Variants in MYPOP observed in about 807,000 individuals in gnomAD.
The protein encoded by MYPOP is Myb related transcription factor, partner of profilin.
A neutral mutation model predicts 25.7 loss-of-function variants in MYPOP; 21 were observed. The observed-to-expected ratio is 0.82, with a 90% CI of 0.58 to 1.18. The LOEUF (loss-of-function observed/expected upper bound fraction) is 1.18. MYPOP is among the 50% of genes most tolerant of loss of function. The pLI, the probability that MYPOP is intolerant of heterozygous loss-of-function variation, is 0.00. For missense variants in MYPOP, 566 were observed against 588.3 expected (o/e 0.96, Z 0.39); for synonymous variants, 280 against 247.9 (o/e 1.13, Z -1.22).
intron 2 of MYPOP, among the ~76,000 whole-genome samples, chr19:45,898,476 A>C (rs921225474): frequency 6.6e-6 from 1 of 151,172 alleles, no homozygotes; most frequent in Non-Finnish European, 1.5e-5. Flanking sequence ...GGCATGCGCC[A>C]CCACGCGTGG....
At chr19:45,894,211 C>T (rs1298125055) in intron 2 of MYPOP, among the ~76,000 whole-genome samples, 1 of 147,454 alleles carries the variant, frequency 6.8e-6, no homozygotes, top group Admixed American at 6.8e-5. Flanking sequence ...CTCCTGGGTT[C>T]ACACCATTCT....
chr19:45,890,721 G>GCCGGGGGGGGGGGGGGGC lies in MYPOP; in HGVS notation c.1101_1102insGCCCCCCCCCCCCCCCGG (p.Arg367_Pro368insAlaProProProProArg). 1 of 1,418,364 alleles carries GCCGGGGGGGGGGGGGGGC rather than the reference G, an allele frequency of 7.1e-7. No homozygotes were observed. Among genetic ancestry groups the GCCGGGGGGGGGGGGGGGC allele is most frequent in the Non-Finnish European group, 9.7e-7 (1 of 1,026,376 alleles). The allele number at this position is 1,418,364 out of a possible 1,614,324, so 87.9% of individuals were successfully genotyped here. On this transcript the variant is annotated inframe_insertion, in exon 3 of 3. Transcript: ENST00000322217. ...TGCGGAGGGAGCGGGGCTGGGGGGG[G>GCCGGGGGGGGGGGGGGGC]CCGGGGTGCCCCCTCCTCGCTCCTT...
chr19:45,890,986 G>T lies in MYPOP; in HGVS notation c.837C>A (p.Thr279=). ...TANAIRELAG[T]LRQGLAKLSE... ...TCAGTTTGGCCAGTCCCTGTCGAAG[G>T]GTGCCGGCCAGCTCCCGGATGGCGT... The change falls in exon 3 of 3, where the codon ACC becomes ACA. Residue 279 remains threonine (T), a synonymous_variant. Transcript: ENST00000322217. The T allele has an allele frequency of 6.6e-7, 1 of 1,511,960 alleles. No individual in the cohort carries two copies. The allele number at this position is 1,511,960 out of a possible 1,614,324, so 93.7% of individuals were successfully genotyped here.
Position 45,891,287 on chromosome 19 carries a change from G to A in MYPOP, c.536C>T (p.Pro179Leu), listed in dbSNP as rs749456402. 2.1e-5 allele frequency: 33 copies of A among 1,543,884 alleles called. No individual in the cohort carries two copies. Among genetic ancestry groups the A allele is most frequent in the Middle Eastern group, 1.7e-4 (1 of 5,894 alleles). The change falls in exon 3 of 3, where the codon CCG (proline) becomes CTG (leucine). Residue 179 changes from proline (P) to leucine (L), a missense_variant. Coordinates refer to ENST00000322217, the MANE Select transcript of MYPOP (RefSeq NM_001012643.4). ...GCAGGAGGGCCGGGCCCATGGCTCC[G>A]GGCTGCTGGAGCCCGCCTTGCTGTG... ...SAHSKAGSSS[P>L]EPWARPSCTP...
At chr19:45,902,143 G>A (rs1967309682) in intron 1 of MYPOP, among the ~76,000 whole-genome samples, 1 of 146,582 alleles carries the variant, frequency 6.8e-6, no homozygotes, top group Admixed American at 6.9e-5. Flanking sequence ...GAGAATGGGG[G>A]CACGGGAGGA....
In MYPOP at chr19:45,901,880, C is replaced by G. The variant is rs1361707725; in HGVS notation, c.-52-55G>C. 1.0e-6 allele frequency: 1 copy of G among 959,604 alleles called. No individual in the cohort carries two copies. The highest frequency in any genetic ancestry group is 4.4e-5 in the Admixed American group (1 of 22,614). The allele number at this position is 959,604 out of a possible 1,614,324, so 59.4% of individuals were successfully genotyped here. On this transcript the variant is annotated intron_variant, in intron 1 of 2. Coordinates refer to ENST00000322217, the MANE Select transcript of MYPOP (RefSeq NM_001012643.4). The surrounding 1 kb of genome is among the most constrained non-coding windows in gnomAD (Gnocchi z 5.7). ...GGGGTTCGGGGTCCCCCCGCCGCCGCCTCTCCCAGACCGCCGGGCCGAGAG... is the reference window on the plus strand; with the variant it reads ...GGGGTTCGGGGTCCCCCCGCCGCCGGCTCTCCCAGACCGCCGGGCCGAGAG...
chr19:45,893,011 T>C (rs1043102150), intron 2 of MYPOP, among the ~76,000 whole-genome samples: 3 of 152,124 alleles, frequency 2.0e-5, no homozygotes, highest in Non-Finnish European at 2.9e-5. Context: ...TGGTGGCTCA[T>C]GCCTGTAATC....
chr19:45,891,265 G>A lies in MYPOP; in HGVS notation c.558C>T (p.Ser186=). 6 of 1,553,208 alleles carry A rather than the reference G, an allele frequency of 3.9e-6. No individual in the cohort carries two copies. Among genetic ancestry groups the A allele is most frequent in the Non-Finnish European group, 5.2e-6 (6 of 1,155,788 alleles). Reference sequence around the variant, plus strand: ...GGCAGCCCCCTTCCTGGGGAGTGCAGGAGGGCCGGGCCCATGGCTCCGGGC... The same window carrying A: ...GGCAGCCCCCTTCCTGGGGAGTGCAAGAGGGCCGGGCCCATGGCTCCGGGC... ...SSSPEPWARP[S]CTPQEGGCPR... Residue 186 remains serine, a synonymous_variant, in exon 3 of 3, where the codon TCC becomes TCT. Coordinates refer to ENST00000322217, the MANE Select transcript of MYPOP (RefSeq NM_001012643.4).
At position 45,891,255 on chromosome 19, in the gene MYPOP, G is replaced by T; in HGVS notation, c.568C>A (p.Gln190Lys). ...TTGGGCCGTGGGCAGCCCCCTTCCT[G>T]GGGAGTGCAGGAGGGCCGGGCCCAT... is the stretch of plus-strand genomic sequence containing the variant. ...EPWARPSCTP[Q>K]EGGCPRPKER... Residue 190 changes from glutamine to lysine, a missense_variant, in exon 3 of 3, where the codon CAG becomes AAG. By Grantham distance (53) the Gln-to-Lys change is moderately conservative (BLOSUM62 1). Transcript: ENST00000322217. 6.4e-7 allele frequency: 1 copy of T among 1,552,286 alleles called. No individual in the cohort carries two copies. The highest frequency in any genetic ancestry group is 1.2e-5 in the South Asian group (1 of 84,348).
At position 45,901,397 on chromosome 19, in the gene MYPOP, G is replaced by C. The variant is rs1213597667; in HGVS notation, c.377C>G (p.Ala126Gly). ...IFAILGPGVA[A>G]PGAGAGAEEP... ...CTCCGCCCCAGCACCTGCCCCCGGC[G>C]CCGCCACACCTGGCCCCAGGATGGC... Residue 126 changes from alanine (A) to glycine (G), a missense_variant, in exon 2 of 3, where the codon GCG (alanine) becomes GGG (glycine). Coordinates refer to ENST00000322217, the MANE Select transcript of MYPOP (RefSeq NM_001012643.4). The surrounding 1 kb of genome is among the most constrained non-coding windows in gnomAD (Gnocchi z 5.7). The C allele has an allele frequency of 6.5e-7, 1 of 1,526,902 alleles. No individual in the cohort carries two copies. The highest frequency in any genetic ancestry group is 8.8e-7 in the Non-Finnish European group (1 of 1,137,660). 94.6% of individuals were successfully genotyped at this position (1,526,902 alleles called of 1,614,324 possible). A position where few individuals can be genotyped will look rare whatever the true frequency, so the allele number is the denominator to read the frequency against.
chr19:45,897,663 C>G (rs1182078336), intron 2 of MYPOP, among the ~76,000 whole-genome samples: 1 of 151,568 alleles, frequency 6.6e-6, no homozygotes, highest in Non-Finnish European at 1.5e-5. Context: ...TCAAGGGATC[C>G]TCATGCCTCA....
intron 2 of MYPOP, among the ~76,000 whole-genome samples, chr19:45,894,533 C>A (rs1285539231): frequency 6.6e-6 from 1 of 152,068 alleles, no homozygotes. Flanking sequence ...CCCATCTCAG[C>A]CTCCTGAGCT....
intron 2 of MYPOP, among the ~76,000 whole-genome samples, chr19:45,895,318 T>C (rs1967187533): frequency 6.6e-6 from 1 of 152,136 alleles, no homozygotes; most frequent in Non-Finnish European, 1.5e-5. Flanking sequence ...CAATCTCGGC[T>C]CACTACAACC....
Position 45,901,139 on chromosome 19 carries a change from T to G in MYPOP, c.499+136A>C. 1.2e-6 allele frequency: 1 copy of G among 861,216 alleles called. No individual in the cohort carries two copies. Among genetic ancestry groups the G allele is most frequent in the East Asian group, 3.3e-5 (1 of 30,148 alleles). 53.3% of individuals were successfully genotyped at this position (861,216 alleles called of 1,614,324 possible). A position where few individuals can be genotyped will look rare whatever the true frequency, so the allele number is the denominator to read the frequency against. ...GAACTGAGGCAAGTCATTTCATTTT[T>G]CTGAGCTTCAGTTTCCCTAGCTATA... On this transcript the variant is annotated intron_variant, in intron 2 of 2. Coordinates refer to ENST00000322217, the MANE Select transcript of MYPOP (RefSeq NM_001012643.4). The surrounding 1 kb of genome is among the most constrained non-coding windows in gnomAD (Gnocchi z 5.7).
At chr19:45,899,950 C>G (rs954608585) in intron 2 of MYPOP, among the ~76,000 whole-genome samples, 15 of 152,212 alleles carry the variant, frequency 9.9e-5, no homozygotes, top group Non-Finnish European at 1.5e-4. Flanking sequence ...TCAATATTAA[C>G]TCTTGTTATT....
rs1967302363 is a variant in MYPOP, at chr19:45,901,857, G to A, written c.-52-32C>T. The A allele has an allele frequency of 8.8e-7, 1 of 1,136,040 alleles. No individual in the cohort carries two copies. Among genetic ancestry groups the A allele is most frequent in the African/African-American group, 1.6e-5 (1 of 61,584 alleles). The allele number at this position is 1,136,040 out of a possible 1,614,324, so 70.4% of individuals were successfully genotyped here. A position where few individuals can be genotyped will look rare whatever the true frequency, so the allele number is the denominator to read the frequency against. On this transcript the variant is annotated intron_variant, in intron 1 of 2. Coordinates refer to ENST00000322217, the MANE Select transcript of MYPOP (RefSeq NM_001012643.4). This position sits in a 1 kb window ranked among gnomAD's most constrained non-coding sequence, Gnocchi z 5.7. ...GCAAAGGGCGCACGGGGCTGGCTGG[G>A]GTTCGGGGTCCCCCCGCCGCCGCCT...
intron 2 of MYPOP, among the ~76,000 whole-genome samples, chr19:45,896,479 T>C (rs955847820): frequency 2.0e-5 from 3 of 152,144 alleles, no homozygotes; most frequent in African/African-American, 7.2e-5. Context: ...CACCTAGTCT[T>C]CCCAGCCATT....
chr19:45,896,601 T>C lies in MYPOP; in HGVS notation c.499+4674A>G, dbSNP rs143050697. Among the ~76,000 whole-genome samples the C allele has an allele frequency of 2.5e-3, 376 of 151,260 alleles. 3 individuals are homozygous for C. Among genetic ancestry groups the C allele is most frequent in the African/African-American group, 8.7e-3 (359 of 41,328 alleles). ...GCAGAAAAGGGATTTGAACCCAGGT[T>C]GACTCCAGAGTCCATTCTTTTTTTT... On this transcript the variant is annotated intron_variant, in intron 2 of 2. Transcript: ENST00000322217.
chr19:45,898,672 C>CA (rs1568644643), intron 2 of MYPOP, among the ~76,000 whole-genome samples: 1 of 152,088 alleles, frequency 6.6e-6, no homozygotes, highest in African/African-American at 2.4e-5. Flanking sequence ...GTTCCTGCCT[C>CA]AGAGCTTTTG....
Sources: allele counts gnomAD v4.1 joint callset (sites outside exome capture counted in the v4.1 genomes callset), GRCh38; gene constraint gnomAD v4.1.1; non-coding constraint Gnocchi (gnomAD v3.1); transcripts MANE v1.5; gene names NCBI Gene and HGNC (gene_info 2026-07-23, HGNC 2026-07-21).